The following STXBP6 variants were observed in gnomAD, a reference collection of about 807,000 sequenced individuals.
STXBP6 encodes the protein syntaxin-binding protein 6.
In STXBP6, 21 loss-of-function variants were observed where a neutral mutation model predicts 26.9. That is an observed-to-expected ratio of 0.78 (90% CI 0.55 to 1.12). The LOEUF (loss-of-function observed/expected upper bound fraction) is 1.12, where lower values mean the gene tolerates loss of function less well. Among genes scored for constraint, STXBP6 ranks in the 50% most tolerant of loss-of-function variants. STXBP6 has a pLI of 0.00. For missense variants in STXBP6, 232 were observed against 257.9 expected (o/e 0.90, Z 0.69); for synonymous variants, 97 against 92.6 (o/e 1.05, Z -0.27).
At chr14:25,000,066 AT>A (rs376697368) in intron 1 of STXBP6, among the ~76,000 whole-genome samples, 178 of 146,266 alleles carry the variant, frequency 1.2e-3, no homozygotes, top group Middle Eastern at 7.1e-3. Context: ...GCTTCAAATA[AT>A]TTTTTTTTTT....
chr14:24,974,234 A>G (rs1295222709), intron 2 of STXBP6, among the ~76,000 whole-genome samples: 1 of 152,226 alleles, frequency 6.6e-6, no homozygotes, highest in Non-Finnish European at 1.5e-5. Flanking sequence ...GCCAATATTT[A>G]TCTTAAGACA....
At chr14:24,815,897 G>A (rs1286011358) in intron 5 of STXBP6, 2 of 152,244 alleles carry the variant, frequency 1.3e-5, no homozygotes, top group Non-Finnish European at 2.9e-5. Flanking sequence ...CCAGAGTGGA[G>A]GTGGGGGAGT....
intron 1 of STXBP6, among the ~76,000 whole-genome samples, chr14:25,046,398 C>G (rs1478331352): frequency 1.3e-5 from 2 of 151,994 alleles, no homozygotes; most frequent in East Asian, 1.9e-4. Context: ...AAAGTTTTAT[C>G]TACTAAAACA....
At chr14:24,953,365 C>A (rs1369209572) in intron 2 of STXBP6, among the ~76,000 whole-genome samples, 1 of 152,138 alleles carries the variant, frequency 6.6e-6, no homozygotes, top group African/African-American at 2.4e-5. Flanking sequence ...AGGATGTAAA[C>A]CTATCTTTGA....
Position 24,813,496 on chromosome 14 carries a change from T to C in STXBP6, c.610-764A>G, listed in dbSNP as rs143147074. Among the ~76,000 whole-genome samples, 1,047 of 152,254 alleles carry C rather than the reference T, an allele frequency of 6.9e-3. 15 individuals are homozygous for C. Among genetic ancestry groups the C allele is most frequent in the African/African-American group, 0.024 (1,013 of 41,560 alleles). On this transcript the variant is annotated intron_variant, in intron 5 of 5. Coordinates refer to ENST00000323944, the MANE Select transcript of STXBP6 (RefSeq NM_001394410.1). Reference sequence around the variant, plus strand: ...GATCTTTTCCAAGGAGTCTATACAATGATGTGAACCAGAAGGCAGAACAGA... The same window carrying C: ...GATCTTTTCCAAGGAGTCTATACAACGATGTGAACCAGAAGGCAGAACAGA...
At chr14:25,014,821 A>G (rs2075111093) in intron 1 of STXBP6, among the ~76,000 whole-genome samples, 1 of 152,280 alleles carries the variant, frequency 6.6e-6, no homozygotes, top group Non-Finnish European at 1.5e-5. Context: ...AGCTTTTCAC[A>G]TAAAAAGAAA....
chr14:24,870,421 ATGTAC>A, intron 2 of STXBP6, among the ~76,000 whole-genome samples: 2 of 152,190 alleles, frequency 1.3e-5, no homozygotes, highest in Non-Finnish European at 2.9e-5. Flanking sequence ...CCGATTTTAC[ATGTAC>A]GGTTTGTACT....
chr14:24,815,746 T>C (rs910712426), intron 5 of STXBP6: 2 of 152,086 alleles, frequency 1.3e-5, no homozygotes, highest in African/African-American at 2.4e-5. Context: ...CGTCAAAGCA[T>C]TGCGTCTGCT....
Position 25,049,669 on chromosome 14 carries a change from A to C in STXBP6, c.-33+209T>G, listed in dbSNP as rs1236846260. The C allele has an allele frequency of 5.1e-6, 5 of 985,608 alleles. No homozygotes were observed. Among genetic ancestry groups the C allele is most frequent in the Non-Finnish European group, 6.0e-6 (5 of 830,242 alleles). The allele number at this position is 985,608 out of a possible 1,614,324, so 61.1% of individuals were successfully genotyped here. ...GGGACACGAGTCCCTCTCTGCGCGC[A>C]CAAAGCAGCTGCGCCGGGGCGCGCG... On this transcript the variant is annotated intron_variant, in intron 1 of 5. Transcript: ENST00000323944. The surrounding 1 kb of genome is among the most constrained non-coding windows in gnomAD (Gnocchi z 5.6).
chr14:24,993,592 G>C (rs1013413722), intron 1 of STXBP6, among the ~76,000 whole-genome samples: 3 of 152,184 alleles, frequency 2.0e-5, no homozygotes, highest in Non-Finnish European at 4.4e-5. Context: ...GCCTGGGGTA[G>C]ATTATTTTCC....
At chr14:24,949,074 C>T (rs2073082887) in intron 2 of STXBP6, among the ~76,000 whole-genome samples, 1 of 152,086 alleles carries the variant, frequency 6.6e-6, no homozygotes, top group Admixed American at 6.6e-5. Context: ...AGGAAAAAGG[C>T]ATGAAATCCA....
intron 2 of STXBP6, among the ~76,000 whole-genome samples, chr14:24,923,696 A>G (rs2139832040): frequency 6.6e-6 from 1 of 152,256 alleles, no homozygotes; most frequent in African/African-American, 2.4e-5. Context: ...AGTGAGGCCA[A>G]GTGTCTTTCA....
chr14:25,016,646 C>T (rs539307886), intron 1 of STXBP6, among the ~76,000 whole-genome samples: 46 of 152,128 alleles, frequency 3.0e-4, no homozygotes, highest in South Asian at 4.1e-4. Context: ...ACAACTTTTA[C>T]GCAAAAGAAC....
intron 4 of STXBP6, among the ~76,000 whole-genome samples, chr14:24,832,082 T>C (rs1305080780): frequency 2.6e-5 from 4 of 152,200 alleles, no homozygotes; most frequent in Non-Finnish European, 4.4e-5. Flanking sequence ...CTTAAAACCA[T>C]CTGTGCTCAT....
At chr14:25,023,884 A>G (rs1209266300) in intron 1 of STXBP6, among the ~76,000 whole-genome samples, 1 of 152,220 alleles carries the variant, frequency 6.6e-6, no homozygotes, top group East Asian at 1.9e-4. Flanking sequence ...TTTGATCCTG[A>G]CAACCTGGGA....
At chr14:24,926,121 G>T (rs573823887) in intron 2 of STXBP6, among the ~76,000 whole-genome samples, 1 of 152,158 alleles carries the variant, frequency 6.6e-6, no homozygotes, top group Non-Finnish European at 1.5e-5. Context: ...TTTGGCAAGG[G>T]GACTTTAAGC....
chr14:25,045,600 CTTTTCTTTT>C (rs1366719426), intron 1 of STXBP6, among the ~76,000 whole-genome samples: 8 of 136,012 alleles, frequency 5.9e-5, no homozygotes, highest in African/African-American at 2.2e-4. Flanking sequence ...CTTTTTTTTT[CTTTTCTTTT>C]TTTTTTTTTT....
chr14:24,947,103 C>T (rs150531809), intron 2 of STXBP6, among the ~76,000 whole-genome samples: 47 of 152,168 alleles, frequency 3.1e-4, no homozygotes, highest in African/African-American at 1.1e-3. Context: ...GCCCGTATAT[C>T]GGTAAAAGTC....
chr14:24,834,646 A>T (rs974325535), intron 4 of STXBP6, among the ~76,000 whole-genome samples: 1 of 152,166 alleles, frequency 6.6e-6, no homozygotes, highest in African/African-American at 2.4e-5. Flanking sequence ...TTGGGGTGGG[A>T]ATAATGAGAG....
Sources: gnomAD v4.1 joint callset for allele counts (sites outside exome capture counted in the v4.1 genomes callset) on GRCh38, gnomAD v4.1.1 for gene constraint, Gnocchi (gnomAD v3.1) non-coding constraint, MANE v1.5 for transcripts, NCBI Gene and HGNC (gene_info 2026-07-23, HGNC 2026-07-21) for gene names.